JMJD1C: variants seen among roughly 807,000 people sequenced by gnomAD.
The protein encoded by JMJD1C is jumonji domain containing 1C.
Under a neutral mutation model 245.3 loss-of-function variants are expected in JMJD1C, and 31 were observed. The observed-to-expected ratio is 0.13, with a 90% CI of 0.09 to 0.17. The LOEUF (loss-of-function observed/expected upper bound fraction) is 0.17, where lower values mean the gene tolerates loss of function less well. Among genes scored for constraint, JMJD1C ranks in the 10% least tolerant of loss-of-function variants. The pLI, the probability that JMJD1C is intolerant of heterozygous loss-of-function variation, is 1.00. For synonymous variants in JMJD1C, 1,057 were observed against 1,017.4 expected (o/e 1.04, Z -0.74); for missense variants, 2,691 against 3,000.2 (o/e 0.90, Z 2.41).
rs1248731847 is a variant in JMJD1C at position 63,462,705 on chromosome 10, C to T, written c.168+2790G>A. On this transcript the variant is annotated intron_variant, in intron 1 of 25. Coordinates refer to ENST00000399262, the MANE Select transcript of JMJD1C (RefSeq NM_032776.3). ...AAGATGGAGGAAGGGGGCCATGAGCCAAGGAATGTGGACAGCTTCTAAAAA... is the reference window on the plus strand; with the variant it reads ...AAGATGGAGGAAGGGGGCCATGAGCTAAGGAATGTGGACAGCTTCTAAAAA... 3.3e-5 allele frequency among the ~76,000 whole-genome samples: 5 copies of T among 152,046 alleles called. No individual in the cohort carries two copies. In the East Asian group the frequency reaches 9.6e-4, roughly 29 times the overall value.
intron 2 of JMJD1C, among the ~76,000 whole-genome samples, chr10:63,276,294 G>A (rs1358942134): frequency 8.6e-5 from 13 of 151,866 alleles, no homozygotes; most frequent in African/African-American, 2.2e-4. Context: ...GTGAAACCCC[G>A]TCTCTACTAA....
At chr10:63,499,889 G>A (rs911922173) in intron 1 of JMJD1C, among the ~76,000 whole-genome samples, 1 of 152,190 alleles carries the variant, frequency 6.6e-6, no homozygotes, top group Non-Finnish European at 1.5e-5. Flanking sequence ...GTGAAGCTAT[G>A]TACTTTAAAA....
Position 63,203,748 on chromosome 10 carries a change from T to C in JMJD1C, c.5074+2847A>G, listed in dbSNP as rs150594949. The C allele has an allele frequency of 1.4e-3, 1,405 of 975,068 alleles. 3 individuals carry two copies. Among genetic ancestry groups the C allele is most frequent in the African/African-American group, 0.011 (640 of 57,150 alleles). The allele number at this position is 975,068 out of a possible 1,614,324, so 60.4% of individuals were successfully genotyped here. On this transcript the variant is annotated intron_variant, in intron 10 of 25. Coordinates refer to ENST00000399262, the MANE Select transcript of JMJD1C (RefSeq NM_032776.3). ...AGACAAAATCTATTATATCTAGCTT[T>C]AATGTACTAAGAAACACACTATTAT...
In JMJD1C at chr10:63,207,566, G is replaced by C; in HGVS notation, c.4103C>G (p.Ser1368Cys). The C allele has an allele frequency of 2.5e-6, 4 of 1,614,156 alleles. No homozygotes were observed. Among genetic ancestry groups the C allele is most frequent in the Non-Finnish European group, 3.4e-6 (4 of 1,180,014 alleles). Residue 1368 changes from serine (S) to cysteine (C), a missense_variant, in exon 10 of 26, where the codon TCT becomes TGT. Coordinates refer to ENST00000399262, the MANE Select transcript of JMJD1C (RefSeq NM_032776.3). Reference sequence around the variant, plus strand: ...TGAGACAGCCTGAAAGTTTTTTTCAGATTTTGTGTGAACACTGTCTGAATT... The same window carrying C: ...TGAGACAGCCTGAAAGTTTTTTTCACATTTTGTGTGAACACTGTCTGAATT... ...NVNSDSVHTK[S>C]EKNFQAVSQG...
chr10:63,400,750 C>T (rs1434786760), intron 1 of JMJD1C, among the ~76,000 whole-genome samples: 10 of 151,860 alleles, frequency 6.6e-5, no homozygotes, highest in African/African-American at 2.4e-4. Flanking sequence ...TTAGTAGAGA[C>T]GGGGTTTCAC....
chr10:63,370,214 G>C (rs1946189771), intron 2 of JMJD1C, among the ~76,000 whole-genome samples: 1 of 152,196 alleles, frequency 6.6e-6, no homozygotes, highest in Non-Finnish European at 1.5e-5. Context: ...AGGCATGAAT[G>C]TAACAGCTCT....
At chr10:63,475,368 T>C (rs1235647394) in intron 1 of JMJD1C, among the ~76,000 whole-genome samples, 1 of 152,244 alleles carries the variant, frequency 6.6e-6, no homozygotes, top group African/African-American at 2.4e-5. Flanking sequence ...AACTATGTTT[T>C]ACTTAGTAAG....
chr10:63,289,573 G>A (rs1459514634), intron 2 of JMJD1C, among the ~76,000 whole-genome samples: 1 of 152,150 alleles, frequency 6.6e-6, no homozygotes, highest in Non-Finnish European at 1.5e-5. Context: ...CATGAATAGT[G>A]ACAAGCTCTA....
chr10:63,186,538 TC>T (rs1844150570), intron 18 of JMJD1C, among the ~76,000 whole-genome samples, 155 bp from the exon 19 acceptor site: 1 of 152,192 alleles, frequency 6.6e-6, no homozygotes, highest in Non-Finnish European at 1.5e-5. Context: ...GCTCAATCAA[TC>T]CTTCTACCTC....
At chr10:63,275,259 T>C (rs1245629679) in intron 2 of JMJD1C, among the ~76,000 whole-genome samples, 4 of 152,190 alleles carry the variant, frequency 2.6e-5, no homozygotes, top group South Asian at 2.1e-4. Flanking sequence ...TTTATTTTCA[T>C]GCTGGTTGGC....
chr10:63,291,908 T>C (rs1858773023), intron 2 of JMJD1C, among the ~76,000 whole-genome samples: 1 of 152,080 alleles, frequency 6.6e-6, no homozygotes, highest in Admixed American at 6.6e-5. Context: ...AAATAAACTA[T>C]GTATAGACAT....
intron 2 of JMJD1C, among the ~76,000 whole-genome samples, chr10:63,368,197 G>A (rs1946014450): frequency 6.6e-6 from 1 of 152,158 alleles, no homozygotes; most frequent in Non-Finnish European, 1.5e-5. Context: ...TTACTATTGG[G>A]CATTAACTGA....
intron 2 of JMJD1C, among the ~76,000 whole-genome samples, chr10:63,332,009 C>G (rs1013976824): frequency 3.0e-4 from 45 of 152,194 alleles, no homozygotes; most frequent in Non-Finnish European, 1.3e-4. Context: ...AAGTAACTGC[C>G]TATTCTTCAC....
At chr10:63,204,595 TATTATG>T in intron 10 of JMJD1C, 1 of 985,350 alleles carries the variant, frequency 1.0e-6, no homozygotes, top group Non-Finnish European at 1.2e-6. Flanking sequence ...ACACTAAGCC[TATTATG>T]AATTCATGGG....
intron 1 of JMJD1C, among the ~76,000 whole-genome samples, chr10:63,413,184 C>T (rs1047563780): frequency 2.0e-5 from 3 of 151,932 alleles, no homozygotes; most frequent in African/African-American, 7.3e-5. Context: ...TCTACAAAAG[C>T]GTATGTATAT....
chr10:63,503,059 G>T (rs1954610279), intron 1 of JMJD1C, among the ~76,000 whole-genome samples: 1 of 152,174 alleles, frequency 6.6e-6, no homozygotes, highest in Non-Finnish European at 1.5e-5. Flanking sequence ...AAAGCTAAAT[G>T]ATCCATGTAA....
At chr10:63,372,500 C>T (rs1040026059) in intron 2 of JMJD1C, among the ~76,000 whole-genome samples, 2 of 152,074 alleles carry the variant, frequency 1.3e-5, no homozygotes, top group Non-Finnish European at 2.9e-5. Flanking sequence ...TATATATTGA[C>T]ATGTTTAAAA....
At chr10:63,516,666 G>A (rs1488092147) in intron 1 of JMJD1C, among the ~76,000 whole-genome samples, 7 of 152,108 alleles carry the variant, frequency 4.6e-5, no homozygotes, top group Non-Finnish European at 1.0e-4. Context: ...TATAGTTAAG[G>A]CTACTACTGG....
intron 2 of JMJD1C, among the ~76,000 whole-genome samples, chr10:63,313,531 T>C (rs1338503008): frequency 6.6e-6 from 1 of 152,206 alleles, no homozygotes; most frequent in African/African-American, 2.4e-5. Context: ...ACTGTCCATA[T>C]TAGTCATACT....
Sources: gnomAD v4.1 joint callset for allele counts (sites outside exome capture counted in the v4.1 genomes callset) on GRCh38, gnomAD v4.1.1 for gene constraint, MANE v1.5 for transcripts, NCBI Gene and HGNC (gene_info 2026-07-23, HGNC 2026-07-21) for gene names.